Variants in ZDHHC14 observed in about 807,000 individuals in gnomAD.
ZDHHC14 encodes palmitoyltransferase ZDHHC14.
ZDHHC14 carries 16 observed loss-of-function variants against 47.7 expected under a neutral mutation model. The observed-to-expected ratio is 0.34, with a 90% CI of 0.23 to 0.51. The LOEUF is 0.51. Ranked by LOEUF, ZDHHC14 falls within the 20% of genes least tolerant of loss-of-function variation. The probability of loss-of-function intolerance (pLI) is 0.97; values close to 1 mark genes in which losing one functional copy is unlikely to be tolerated. For synonymous variants in ZDHHC14, 293 were observed against 278.9 expected (o/e 1.05, Z -0.50); for missense variants, 515 against 662.5 (o/e 0.78, Z 2.44).
intron 7 of ZDHHC14, among the ~76,000 whole-genome samples, chr6:157,649,164 T>C (rs1777700315): frequency 6.6e-6 from 1 of 152,208 alleles, no homozygotes; most frequent in South Asian, 2.1e-4. Context: ...TTGAATCGTT[T>C]GTTAAAAGGT....
At chr6:157,472,533 AG>A (rs1361932744) in intron 1 of ZDHHC14, among the ~76,000 whole-genome samples, 1 of 152,078 alleles carries the variant, frequency 6.6e-6, no homozygotes, top group African/African-American at 2.4e-5. Context: ...GAGCGGGCTG[AG>A]AAAACACAAT....
At chr6:157,435,092 G>T (rs755001748) in intron 1 of ZDHHC14, among the ~76,000 whole-genome samples, 1 of 152,220 alleles carries the variant, frequency 6.6e-6, no homozygotes, top group Non-Finnish European at 1.5e-5. Flanking sequence ...ACTCCGGAAG[G>T]AATCGCCATA....
At chr6:157,642,882 T>C (rs1225857139) in intron 5 of ZDHHC14, among the ~76,000 whole-genome samples, 1 of 152,180 alleles carries the variant, frequency 6.6e-6, no homozygotes, top group Non-Finnish European at 1.5e-5. Flanking sequence ...GAACAAACCA[T>C]GTCAGCTGCC....
chr6:157,581,172 T>C (rs144417750), intron 2 of ZDHHC14, among the ~76,000 whole-genome samples: 7,858 of 143,508 alleles, frequency 0.055, 234 homozygotes, highest in Admixed American at 0.075. Flanking sequence ...CTTGATTTCA[T>C]TATTTACCCC....
chr6:157,405,408 A>G (rs1252125503), intron 1 of ZDHHC14, among the ~76,000 whole-genome samples: 2 of 152,012 alleles, frequency 1.3e-5, no homozygotes, highest in Non-Finnish European at 1.5e-5. Flanking sequence ...AATTTTTTGT[A>G]TTTTTAGTAG....
intron 1 of ZDHHC14, among the ~76,000 whole-genome samples, chr6:157,524,552 T>G (rs1781090368): frequency 6.6e-6 from 1 of 152,250 alleles, no homozygotes; most frequent in South Asian, 2.1e-4. Context: ...GCTTCTTACA[T>G]ATCTTTGTTT....
Position 157,645,719 on chromosome 6 carries a change from C to T in ZDHHC14, c.753-18C>T. 1 of 1,610,632 alleles carries T rather than the reference C, an allele frequency of 6.2e-7. No homozygotes were observed. The highest frequency in any genetic ancestry group is 8.5e-7 in the Non-Finnish European group (1 of 1,177,852). On this transcript the variant is annotated intron_variant, in intron 5 of 8. Coordinates refer to ENST00000359775, the MANE Select transcript of ZDHHC14 (RefSeq NM_024630.3). ...TGCGCGGTCCCTCACTTCCGCTTGCCTCCTTGACTCGCATCACCGTCCTGG... is the reference window on the plus strand; with the variant it reads ...TGCGCGGTCCCTCACTTCCGCTTGCTTCCTTGACTCGCATCACCGTCCTGG...
At chr6:157,533,401 T>C (rs1042292037) in intron 1 of ZDHHC14, among the ~76,000 whole-genome samples, 1 of 152,166 alleles carries the variant, frequency 6.6e-6, no homozygotes, top group Admixed American at 6.5e-5. Flanking sequence ...ATAGGAGGGC[T>C]GCAGTTTGGA....
chr6:157,467,049 C>T (rs921516593), intron 1 of ZDHHC14, among the ~76,000 whole-genome samples: 2 of 152,116 alleles, frequency 1.3e-5, no homozygotes, highest in South Asian at 4.2e-4. Context: ...GTTTGCAAAC[C>T]CCATAAGGCA....
At chr6:157,480,741 T>C (rs151146629) in intron 1 of ZDHHC14, among the ~76,000 whole-genome samples, 109 of 152,338 alleles carry the variant, frequency 7.2e-4, no homozygotes, top group Non-Finnish European at 1.3e-3. Context: ...ATGATGGACA[T>C]TGGTTCTTCT....
chr6:157,464,278 T>C (rs1355378130), intron 1 of ZDHHC14, among the ~76,000 whole-genome samples: 2 of 152,256 alleles, frequency 1.3e-5, no homozygotes, highest in Non-Finnish European at 2.9e-5. Flanking sequence ...TATATTTTAA[T>C]ACACATACTT....
At chr6:157,535,845 C>T (rs878893928) in intron 1 of ZDHHC14, among the ~76,000 whole-genome samples, 1 of 152,190 alleles carries the variant, frequency 6.6e-6, no homozygotes, top group Non-Finnish European at 1.5e-5. Flanking sequence ...GTAATGCGCT[C>T]ATCTTTGCCT....
chr6:157,434,318 G>A (rs1315244735), intron 1 of ZDHHC14, among the ~76,000 whole-genome samples: 1 of 151,612 alleles, frequency 6.6e-6, no homozygotes, highest in South Asian at 2.1e-4. Flanking sequence ...GCAAATTTAA[G>A]GCTTGCCTGA....
At chr6:157,620,961 C>T (rs1046972824) in intron 3 of ZDHHC14, among the ~76,000 whole-genome samples, 1 of 152,162 alleles carries the variant, frequency 6.6e-6, no homozygotes, top group Admixed American at 6.5e-5. Context: ...TGACACAGTC[C>T]ATGTAAAATT....
chr6:157,492,101 G>A (rs1779933208), intron 1 of ZDHHC14, among the ~76,000 whole-genome samples: 1 of 152,122 alleles, frequency 6.6e-6, no homozygotes, highest in Non-Finnish European at 1.5e-5. Flanking sequence ...CAGCCCTCCA[G>A]GCAGGTGCTG....
At chr6:157,511,194 G>T (rs1291943469) in intron 1 of ZDHHC14, among the ~76,000 whole-genome samples, 1 of 152,182 alleles carries the variant, frequency 6.6e-6, no homozygotes. Flanking sequence ...TTTCCTCTTG[G>T]CTGGCGGGCT....
At chr6:157,533,550 A>C (rs148249100) in intron 1 of ZDHHC14, among the ~76,000 whole-genome samples, 2 of 152,228 alleles carry the variant, frequency 1.3e-5, no homozygotes, top group African/African-American at 4.8e-5. Flanking sequence ...GAGGAGAGGC[A>C]GGCCTGGCTT....
At chr6:157,415,185 T>C (rs1430774507) in intron 1 of ZDHHC14, among the ~76,000 whole-genome samples, 1 of 152,220 alleles carries the variant, frequency 6.6e-6, no homozygotes, top group African/African-American at 2.4e-5. Flanking sequence ...ACTATTTCTT[T>C]TTTTCTTTAA....
intron 1 of ZDHHC14, among the ~76,000 whole-genome samples, chr6:157,527,443 T>G (rs909070813): frequency 2.0e-5 from 3 of 152,252 alleles, no homozygotes; most frequent in African/African-American, 7.2e-5. Context: ...TTGCAGAGCT[T>G]GCTCTTATAG....
Sources: allele counts gnomAD v4.1 joint callset (sites outside exome capture counted in the v4.1 genomes callset), GRCh38; gene constraint gnomAD v4.1.1; transcripts MANE v1.5; gene names NCBI Gene and HGNC (gene_info 2026-07-23, HGNC 2026-07-21).